GOLGA4: variants seen among roughly 807,000 people sequenced by gnomAD.
GOLGA4 encodes the protein golgin A4, also known as golgin subfamily A member 4.
GOLGA4 carries 169 observed loss-of-function variants against 265.9 expected under a neutral mutation model. The ratio of observed to expected loss-of-function variants is 0.64; its 90% CI spans 0.56 to 0.72. GOLGA4 has a LOEUF of 0.72. Among genes scored for constraint, GOLGA4 ranks in the 30% least tolerant of loss-of-function variants. The pLI is 0.00. For missense variants in GOLGA4, 2,482 were observed against 2,483.4 expected (o/e 1.00, Z 0.01); for synonymous variants, 923 against 855.8 (o/e 1.08, Z -1.37).
intron 11 of GOLGA4, among the ~76,000 whole-genome samples, chr3:37,317,047 C>T (rs1204959064): frequency 2.0e-5 from 3 of 151,880 alleles, no homozygotes; most frequent in Admixed American, 2.0e-4. Flanking sequence ...ATAGTGATAC[C>T]CCATTTATTT....
Position 37,324,743 on chromosome 3 carries a change from GA to G in GOLGA4, c.2864del (p.Lys955ArgfsTer16), listed in dbSNP as rs754602522. The G allele has an allele frequency of 1.9e-6, 3 of 1,581,252 alleles. No homozygotes were observed. The highest frequency in any genetic ancestry group is 1.4e-5 in the African/African-American group (1 of 72,504). On this transcript the variant is annotated frameshift_variant, in exon 14 of 24. Transcript: ENST00000361924. LOFTEE classifies it high-confidence loss of function. The stretch of plus-strand genomic sequence containing the variant: ...ATATGAAACCAAATTTAAAAACCAA[GA>G]AAAAAAGATGGAAAAAGTTAAGCAG... Reference protein sequence around the residue: ...EEYETKFKNQEKKMEKVKQKA... With the variant: ...EEYETKFKNQXKKMEKVKQKA...
intron 1 of GOLGA4, among the ~76,000 whole-genome samples, chr3:37,248,722 A>G (rs944247451): frequency 6.6e-6 from 1 of 151,524 alleles, no homozygotes; most frequent in African/African-American, 2.4e-5. Flanking sequence ...AAACCCCGTT[A>G]TTTGATTTTT....
rs1578439657 is a variant in GOLGA4, at chr3:37,273,460, T to C, written c.163-8498T>C. On this transcript the variant is annotated intron_variant, in intron 2 of 23. Transcript: ENST00000361924. ...AATGTATCTGATAGGTCTTGGCACA[T>C]GGGCTTTATTCTTAACAGTTTTAAA... The C allele has an allele frequency of 1.3e-5, 10 of 761,794 alleles. No homozygotes were observed. The East Asian group carries it at 2.7e-4, about 20-fold the overall frequency. 47.2% of individuals were successfully genotyped at this position (761,794 alleles called of 1,614,324 possible).
chr3:37,347,193 G>T lies in GOLGA4; in HGVS notation c.6473G>T (p.Gly2158Val). ...TTTGATCTATTTTTTTATTTGGCAG[G>T]TGGCAATTTGTACCATACGGATGTC... ...YATTVGTPYK[G>V]GNLYHTDVSL... Residue 2158 changes from glycine to valine, a missense_variant and splice_region_variant, in exon 21 of 24, where the codon GGT (glycine) becomes GTT (valine). Gly to Val is a moderately radical substitution (Grantham distance 109, BLOSUM62 -3). This residue lies in a region of GOLGA4 where 942 missense variants were observed against 983.1 expected (regional missense o/e 0.96). Coordinates refer to ENST00000361924, the MANE Select transcript of GOLGA4 (RefSeq NM_002078.5). 1 of 1,591,282 alleles carries T rather than the reference G, an allele frequency of 6.3e-7. No individual in the cohort carries two copies. Among genetic ancestry groups the T allele is most frequent in the Non-Finnish European group, 8.6e-7 (1 of 1,161,180 alleles).
At chr3:37,319,963 G>C (rs1001387610) in intron 12 of GOLGA4, 1 of 152,108 alleles carries the variant, frequency 6.6e-6, no homozygotes, top group African/African-American at 2.4e-5. Context: ...AATCTCATCA[G>C]ACTGAGTGTA....
chr3:37,295,197 T>G, intron 6 of GOLGA4, 120 bp downstream of exon 6: 1 of 544,238 alleles, frequency 1.8e-6, no homozygotes, highest in Non-Finnish European at 3.2e-6. Flanking sequence ...TTTTAAAACT[T>G]TTTGCTTTCC....
At chr3:37,349,964 C>T (rs2097068710) in intron 21 of GOLGA4, among the ~76,000 whole-genome samples, 1 of 152,132 alleles carries the variant, frequency 6.6e-6, no homozygotes, top group Non-Finnish European at 1.5e-5. Context: ...TTCCTTCCTT[C>T]TGTCCGTATA....
At chr3:37,302,409 T>A (rs2096895547) in intron 10 of GOLGA4, 77 bp downstream of exon 10, 1 of 1,258,642 alleles carries the variant, frequency 7.9e-7, no homozygotes, top group Admixed American at 2.2e-5. Flanking sequence ...TTTTTAAAAA[T>A]GAGTTAAATA....
chr3:37,304,806 T>C (rs1291921048), intron 10 of GOLGA4, among the ~76,000 whole-genome samples: 1 of 152,186 alleles, frequency 6.6e-6, no homozygotes, highest in Non-Finnish European at 1.5e-5. Context: ...TTCCTTCCCT[T>C]GCTTGCTTCT....
intron 4 of GOLGA4, among the ~76,000 whole-genome samples, chr3:37,286,362 C>T (rs2096849439): frequency 6.6e-6 from 1 of 150,654 alleles, no homozygotes; most frequent in African/African-American, 2.4e-5. Flanking sequence ...ACCTTGTTAG[C>T]CAGGATGGTC....
Position 37,326,874 on chromosome 3 carries a change from A to G in GOLGA4, c.4988A>G (p.Glu1663Gly), listed in dbSNP as rs2096972793. 1 of 1,613,542 alleles carries G rather than the reference A, an allele frequency of 6.2e-7. No homozygotes were observed. The highest frequency in any genetic ancestry group is 8.5e-7 in the Non-Finnish European group (1 of 1,179,770). Residue 1663 changes from glutamate (E) to glycine (G), a missense_variant, in exon 14 of 24, where the codon GAA becomes GGA. Coordinates refer to ENST00000361924, the MANE Select transcript of GOLGA4 (RefSeq NM_002078.5). ...KQLLSQMEEK[E>G]EQYKKGTESH... Reference sequence around the variant, plus strand: ...TTGTTATCTCAAATGGAAGAGAAAGAAGAACAGTATAAAAAAGGTACAGAA... The same window carrying G: ...TTGTTATCTCAAATGGAAGAGAAAGGAGAACAGTATAAAAAAGGTACAGAA...
chr3:37,273,367 T>C (rs1263166621), intron 2 of GOLGA4, among the ~76,000 whole-genome samples: 1 of 152,242 alleles, frequency 6.6e-6, no homozygotes, highest in African/African-American at 2.4e-5. Context: ...CTTACCATAC[T>C]ACAATAGTTT....
At position 37,362,780 on chromosome 3, in the gene GOLGA4, C is replaced by CCTTTTTTTTTTTTTTTTTTTTTTT. The variant is rs1375290747; in HGVS notation, c.*33+1475_*33+1476insCTTTTTTTTTTTTTTTTTTTTTTT. On this transcript the variant is annotated intron_variant, in intron 23 of 23. Transcript: ENST00000361924. ...CGATCTTCCTACCTCAGCCTCTAAG[C>CCTTTTTTTTTTTTTTTTTTTTTTT]TTTTTTTTTTTTTTTTTTTTGAGAC... Among the ~76,000 whole-genome samples the CCTTTTTTTTTTTTTTTTTTTTTTT allele has an allele frequency of 3.4e-4, 26 of 75,458 alleles. 1 individual carries two copies. The highest frequency in any genetic ancestry group is 1.0e-3 in the African/African-American group (20 of 19,484). 49.5% of individuals were successfully genotyped at this position (75,458 alleles called of 152,430 possible).
At chr3:37,293,230 A>C (rs2096869539) in intron 5 of GOLGA4, among the ~76,000 whole-genome samples, 1 of 152,220 alleles carries the variant, frequency 6.6e-6, no homozygotes, top group Non-Finnish European at 1.5e-5. Flanking sequence ...GCCTGCATGC[A>C]GCCCAGGACG....
At chr3:37,252,136 C>CT (rs11368904) in intron 2 of GOLGA4, among the ~76,000 whole-genome samples, 151,671 of 152,132 alleles carry the variant, frequency 1, 75,607 homozygotes, top group Middle Eastern at 1. Context: ...TTATTTCCCA[C>CT]TTTTTTTCTG....
At chr3:37,272,901 G>A (rs1419187027) in intron 2 of GOLGA4, among the ~76,000 whole-genome samples, 1 of 152,090 alleles carries the variant, frequency 6.6e-6, no homozygotes, top group African/African-American at 2.4e-5. Context: ...ATCTCATCTA[G>A]TATCATGAAA....
chr3:37,252,124 C>G (rs566731310), intron 2 of GOLGA4, among the ~76,000 whole-genome samples: 28 of 30,506 alleles, frequency 9.2e-4, no homozygotes, highest in African/African-American at 3.8e-3. Flanking sequence ...CATTAAAACT[C>G]ATTATTTCCC....
In GOLGA4 at chr3:37,347,306, ATGTCT is replaced by A; in HGVS notation, c.6576+11_6576+15del. 1 of 1,431,886 alleles carries A rather than the reference ATGTCT, an allele frequency of 7.0e-7. No homozygotes were observed. Among genetic ancestry groups the A allele is most frequent in the Non-Finnish European group, 9.8e-7 (1 of 1,015,790 alleles). 88.7% of individuals were successfully genotyped at this position (1,431,886 alleles called of 1,614,324 possible). A position where few individuals can be genotyped will look rare whatever the true frequency, so the allele number is the denominator to read the frequency against. On this transcript the variant is annotated intron_variant, in intron 21 of 23. Transcript: ENST00000361924. ...GGGTCGTGAGACTAAGGTATAAATCATGTCTCGTGATTTGGTGTGTGGCTTAATTT... is the reference window on the plus strand; with the variant it reads ...GGGTCGTGAGACTAAGGTATAAATCACGTGATTTGGTGTGTGGCTTAATTT...
intron 16 of GOLGA4, among the ~76,000 whole-genome samples, chr3:37,330,323 A>C (rs968010164): frequency 6.6e-6 from 1 of 152,162 alleles, no homozygotes; most frequent in East Asian, 1.9e-4. Flanking sequence ...ATAAAAAAAG[A>C]CTTCTTCCTA....
Sources: allele counts gnomAD v4.1 joint callset (sites outside exome capture counted in the v4.1 genomes callset), GRCh38; gene constraint gnomAD v4.1.1; regional missense constraint gnomAD v4.1.1; transcripts MANE v1.5; gene names NCBI Gene and HGNC (gene_info 2026-07-23, HGNC 2026-07-21).